Variants in DHX32 observed in about 807,000 individuals in gnomAD.
DHX32 encodes the protein putative pre-mRNA-splicing factor ATP-dependent RNA helicase DHX32.
In DHX32, 51 loss-of-function variants were observed where a neutral mutation model predicts 70.0. The ratio of observed to expected loss-of-function variants is 0.73; its 90% CI spans 0.58 to 0.92. The LOEUF (loss-of-function observed/expected upper bound fraction) is 0.92, where lower values mean the gene tolerates loss of function less well. Ranked by LOEUF, DHX32 falls within the 40% of genes least tolerant of loss-of-function variation. The probability of loss-of-function intolerance (pLI) is 0.00; values close to 1 mark genes in which losing one functional copy is unlikely to be tolerated. For missense variants in DHX32, 762 were observed against 891.8 expected (o/e 0.85, Z 1.85); for synonymous variants, 310 against 315.3 (o/e 0.98, Z 0.18).
chr10:125,860,237 T>A (rs938480413), intron 2 of DHX32, among the ~76,000 whole-genome samples: 2 of 152,212 alleles, frequency 1.3e-5, no homozygotes, highest in African/African-American at 2.4e-5. Context: ...GTTAAAGACC[T>A]CTGCCTAAAT....
chr10:125,858,645 T>A (rs1011266726), intron 3 of DHX32, among the ~76,000 whole-genome samples: 2 of 152,220 alleles, frequency 1.3e-5, no homozygotes, highest in African/African-American at 4.8e-5. Context: ...GAGCCACTTA[T>A]CTGTTCAGCT....
chr10:125,858,563 AAATAG>A (rs1419574510), intron 3 of DHX32, among the ~76,000 whole-genome samples: 1 of 152,220 alleles, frequency 6.6e-6, no homozygotes, highest in Admixed American at 6.5e-5. Flanking sequence ...TTTGAGTATA[AAATAG>A]AATAAATACT....
chr10:125,847,769 G>T (rs933820196), intron 6 of DHX32, among the ~76,000 whole-genome samples: 2 of 152,108 alleles, frequency 1.3e-5, no homozygotes, highest in African/African-American at 2.4e-5. Flanking sequence ...CCATCTGGGG[G>T]TGATGGGAGA....
At chr10:125,843,370 GGAGGCC>G (rs1854933232) in intron 6 of DHX32, among the ~76,000 whole-genome samples, 1 of 152,124 alleles carries the variant, frequency 6.6e-6, no homozygotes, top group Non-Finnish European at 1.5e-5. Flanking sequence ...CCTCACTTTG[GGAGGCC>G]GAGGCGGGAG....
At chr10:125,878,280 C>A (rs1034694712) in intron 1 of DHX32, among the ~76,000 whole-genome samples, 1 of 152,084 alleles carries the variant, frequency 6.6e-6, no homozygotes, top group Admixed American at 6.5e-5. Flanking sequence ...TAAATTTGTG[C>A]CTATACAAGA....
intron 1 of DHX32, among the ~76,000 whole-genome samples, chr10:125,875,218 C>CA (rs56812944): frequency 1.3e-4 from 19 of 146,398 alleles, no homozygotes; most frequent in East Asian, 6.0e-4. Context: ...AACACTGTCT[C>CA]AAAAAAAAAA....
intron 6 of DHX32, among the ~76,000 whole-genome samples, chr10:125,847,596 A>G (rs773367615): frequency 1.1e-4 from 16 of 152,180 alleles, no homozygotes; most frequent in African/African-American, 4.8e-5. Context: ...TTTTCCACAG[A>G]CCAGAGGGTG....
At position 125,836,838 on chromosome 10, in the gene DHX32, G is replaced by A. The variant is rs771021543; in HGVS notation, c.2081C>T (p.Pro694Leu). ...AGGCAGATTACTGAAATAGTATTGT[G>A]GTACCAGCTGCATAAATCTGTTTAT... ...ISPELFMQLV[P>L]QYYFSNLPPS... is the part of the protein sequence containing the mutation. Residue 694 changes from proline to leucine, a missense_variant, in exon 11 of 11, where the codon CCA becomes CTA. This residue lies in a region of DHX32 where 366 missense variants were observed against 402.6 expected (regional missense o/e 0.91). Coordinates refer to ENST00000284690, the MANE Select transcript of DHX32 (RefSeq NM_018180.3). 6.2e-7 allele frequency: 1 copy of A among 1,614,060 alleles called. No homozygotes were observed. Among genetic ancestry groups the A allele is most frequent in the African/African-American group, 1.3e-5 (1 of 75,022 alleles).
In DHX32 at chr10:125,841,744, T is replaced by C; in HGVS notation, c.1542A>G (p.Thr514=). 6.2e-7 allele frequency: 1 copy of C among 1,609,972 alleles called. No homozygotes were observed. The highest frequency in any genetic ancestry group is 1.1e-5 in the South Asian group (1 of 89,372). The part of the protein sequence containing the change: ...DEVLTIAAMV[T]APNCFSHVPH... ...AAAAGGAATAGTCATTAAGGATACC[T>C]GTTACCATGGCTGCGATTGTTAGCA... is the stretch of plus-strand genomic sequence containing the variant. The change falls in exon 7 of 11, where the codon ACA becomes ACG. Residue 514 remains threonine (T), a splice_region_variant and synonymous_variant. Transcript: ENST00000284690.
At chr10:125,844,232 C>T (rs545994750) in intron 6 of DHX32, among the ~76,000 whole-genome samples, 4 of 152,336 alleles carry the variant, frequency 2.6e-5, no homozygotes, top group Non-Finnish European at 5.9e-5. Context: ...CAGAAATAAG[C>T]ATCTTAAACA....
Position 125,866,961 on chromosome 10 carries a change from A to G in DHX32, c.476+29T>C. The G allele has an allele frequency of 6.3e-7, 1 of 1,594,748 alleles. No individual in the cohort carries two copies. The highest frequency in any genetic ancestry group is 8.6e-7 in the Non-Finnish European group (1 of 1,168,234). ...AGAACCTAAGCCAAGAATCATCAGCAGGGAGCGGACTGAACCCCACAAACC... is the reference window on the plus strand; with the variant it reads ...AGAACCTAAGCCAAGAATCATCAGCGGGGAGCGGACTGAACCCCACAAACC... On this transcript the variant is annotated intron_variant, in intron 2 of 10. Coordinates refer to ENST00000284690, the MANE Select transcript of DHX32 (RefSeq NM_018180.3). This position sits in a 1 kb window ranked among gnomAD's most constrained non-coding sequence, Gnocchi z 4.8.
intron 1 of DHX32, among the ~76,000 whole-genome samples, chr10:125,886,369 A>T (rs1264693234): frequency 6.6e-6 from 1 of 152,166 alleles, no homozygotes; most frequent in South Asian, 2.1e-4. Flanking sequence ...CATAATGTAT[A>T]CATTTTCCCT....
chr10:125,859,571 A>G, intron 3 of DHX32, 32 bp downstream of exon 3: 1 of 1,527,130 alleles, frequency 6.5e-7, no homozygotes, highest in Non-Finnish European at 8.8e-7. Context: ...GAAATACCTT[A>G]TTACTGTAAG....
chr10:125,849,237 C>G (rs963067261), intron 6 of DHX32, among the ~76,000 whole-genome samples: 2 of 152,176 alleles, frequency 1.3e-5, no homozygotes, highest in Non-Finnish European at 2.9e-5. Context: ...TGAGCCACAG[C>G]CATCTTTCCG....
At chr10:125,860,752 A>ATTTTTTTTTTTT (rs397747204) in intron 2 of DHX32, among the ~76,000 whole-genome samples, 2 of 111,822 alleles carry the variant, frequency 1.8e-5, no homozygotes, top group African/African-American at 3.5e-5. Flanking sequence ...AACCAATCCC[A>ATTTTTTTTTTTT]TTTTTTTTTT....
intron 7 of DHX32, 81 bp from the exon 8 acceptor site, chr10:125,841,077 G>A (rs1209516027): frequency 8.1e-6 from 12 of 1,481,446 alleles, no homozygotes; most frequent in East Asian, 2.3e-5. Context: ...GAGGGGTCAC[G>A]ACTGTTAGTG....
intron 10 of DHX32, among the ~76,000 whole-genome samples, chr10:125,837,136 C>T (rs1450425755): frequency 1.3e-5 from 2 of 152,168 alleles, no homozygotes; most frequent in Non-Finnish European, 2.9e-5. Context: ...CTAGTATTTC[C>T]CCTAAGGCCC....
intron 6 of DHX32, among the ~76,000 whole-genome samples, chr10:125,844,215 G>T (rs1226142141): frequency 1.3e-5 from 2 of 152,256 alleles, no homozygotes; most frequent in Non-Finnish European, 2.9e-5. Context: ...GGTACAAGAA[G>T]CAGCATCAGA....
intron 3 of DHX32, among the ~76,000 whole-genome samples, chr10:125,858,857 A>T (rs1944164300): frequency 6.6e-6 from 1 of 152,066 alleles, no homozygotes; most frequent in Admixed American, 6.5e-5. Context: ...CCAACAGAGT[A>T]GTGGGGAAAG....
Sources: allele counts gnomAD v4.1 joint callset (sites outside exome capture counted in the v4.1 genomes callset), GRCh38; gene constraint gnomAD v4.1.1; regional missense constraint gnomAD v4.1.1; non-coding constraint Gnocchi (gnomAD v3.1); transcripts MANE v1.5; gene names NCBI Gene and HGNC (gene_info 2026-07-23, HGNC 2026-07-21).